CNTNAP2: variants seen among roughly 807,000 people sequenced by gnomAD.
The protein encoded by CNTNAP2 is contactin associated protein 2, also known as contactin-associated protein-like 2.
In CNTNAP2, 98 loss-of-function variants were observed where a neutral mutation model predicts 155.2. That is an observed-to-expected ratio of 0.63 (90% CI 0.54 to 0.75). CNTNAP2 has a LOEUF of 0.75. CNTNAP2 is among the 30% of genes least tolerant of loss of function. The pLI is 0.00. For synonymous variants in CNTNAP2, 651 were observed against 631.2 expected (o/e 1.03, Z -0.47); for missense variants, 1,727 against 1,688.1 (o/e 1.02, Z -0.40).
At chr7:147,959,676 G>T (rs2373277) in intron 14 of CNTNAP2, among the ~76,000 whole-genome samples, 127,111 of 152,014 alleles carry the variant, frequency 0.84, 53,643 homozygotes, top group South Asian at 0.92. Context: ...GTAACTTTGG[G>T]GTCATCAGGT....
intron 9 of CNTNAP2, among the ~76,000 whole-genome samples, chr7:147,301,618 G>GTGTT (rs1384835420): frequency 7.1e-5 from 10 of 140,416 alleles, no homozygotes; most frequent in African/African-American, 2.5e-4. Flanking sequence ...GTGTGTGTGT[G>GTGTT]TGTGTGTGTG....
chr7:148,349,694 C>T (rs1384694429), intron 21 of CNTNAP2, among the ~76,000 whole-genome samples: 1 of 152,148 alleles, frequency 6.6e-6, no homozygotes, highest in Non-Finnish European at 1.5e-5. Context: ...AGCCACCGCG[C>T]CAGGCCAAAA....
chr7:148,366,746 A>C (rs1351589003), intron 21 of CNTNAP2, among the ~76,000 whole-genome samples: 5 of 152,310 alleles, frequency 3.3e-5, no homozygotes, highest in African/African-American at 1.2e-4. Flanking sequence ...ATTTCCAGAT[A>C]CTTTTGCAGA....
At chr7:146,864,732 G>A (rs1456430304) in intron 3 of CNTNAP2, among the ~76,000 whole-genome samples, 1 of 152,052 alleles carries the variant, frequency 6.6e-6, no homozygotes, top group Non-Finnish European at 1.5e-5. Context: ...GCTCAAGCCT[G>A]TAATCTCAGT....
chr7:148,273,324 G>T (rs10952743), intron 21 of CNTNAP2, among the ~76,000 whole-genome samples: 22 of 151,436 alleles, frequency 1.5e-4, no homozygotes, highest in African/African-American at 5.1e-4. Context: ...GCAACTAGGG[G>T]GATAACATTT....
At chr7:148,026,956 T>G (rs1406805641) in intron 15 of CNTNAP2, among the ~76,000 whole-genome samples, 4 of 152,104 alleles carry the variant, frequency 2.6e-5, no homozygotes, top group African/African-American at 7.3e-5. Flanking sequence ...GTCACTGTTT[T>G]TTGTTGTTGT....
At chr7:147,960,993 A>G (rs2708277) in intron 14 of CNTNAP2, among the ~76,000 whole-genome samples, 122,860 of 152,052 alleles carry the variant, frequency 0.81, 50,684 homozygotes, top group South Asian at 0.92. Context: ...ATTATATACA[A>G]AGAGGTAATT....
intron 3 of CNTNAP2, among the ~76,000 whole-genome samples, chr7:146,911,172 A>T (rs1256376733): frequency 6.6e-6 from 1 of 152,052 alleles, no homozygotes; most frequent in Non-Finnish European, 1.5e-5. Context: ...GCTGGACATG[A>T]TGTGGAGAAA....
chr7:146,395,818 T>G (rs1795614954), intron 1 of CNTNAP2, among the ~76,000 whole-genome samples: 2 of 137,496 alleles, frequency 1.5e-5, no homozygotes, highest in African/African-American at 6.4e-5. Flanking sequence ...GATAGATAGA[T>G]AGATAGAGGA....
chr7:146,690,338 GGTCACT>G (rs1184807207), intron 1 of CNTNAP2, among the ~76,000 whole-genome samples: 2 of 152,044 alleles, frequency 1.3e-5, no homozygotes, highest in Non-Finnish European at 2.9e-5. Flanking sequence ...TCCAGTGATT[GGTCACT>G]GCACATGTAT....
chr7:147,296,692 T>C (rs558426823), intron 8 of CNTNAP2, among the ~76,000 whole-genome samples: 7 of 152,270 alleles, frequency 4.6e-5, no homozygotes, highest in African/African-American at 1.7e-4. Context: ...GACCCTGATA[T>C]ATGAATATGG....
At chr7:146,903,367 A>G (rs1796045911) in intron 3 of CNTNAP2, among the ~76,000 whole-genome samples, 1 of 152,118 alleles carries the variant, frequency 6.6e-6, no homozygotes, top group African/African-American at 2.4e-5. Context: ...TGAGCTCCCA[A>G]CTCAGCAAAT....
chr7:147,757,957 C>G (rs1797237527), intron 13 of CNTNAP2, among the ~76,000 whole-genome samples: 1 of 152,074 alleles, frequency 6.6e-6, no homozygotes, highest in Non-Finnish European at 1.5e-5. Context: ...CACTGAAAAA[C>G]AAACATGCAA....
chr7:146,204,067 ACT>A, intron 1 of CNTNAP2, among the ~76,000 whole-genome samples: 3 of 152,112 alleles, frequency 2.0e-5, no homozygotes, highest in Non-Finnish European at 4.4e-5. Context: ...CTTGCTATCA[ACT>A]CAAGGACTTC....
chr7:147,879,582 G>A (rs745504532), intron 13 of CNTNAP2, among the ~76,000 whole-genome samples: 2 of 151,998 alleles, frequency 1.3e-5, no homozygotes, highest in African/African-American at 4.8e-5. Flanking sequence ...AGGGGCTGAG[G>A]GAAGTGTCAT....
intron 13 of CNTNAP2, among the ~76,000 whole-genome samples, chr7:147,786,370 G>C (rs748033365): frequency 9.2e-5 from 14 of 152,184 alleles, no homozygotes; most frequent in Non-Finnish European, 1.6e-4. Context: ...CAGTGAGGAG[G>C]GGGTCTGGGA....
At chr7:146,764,531 T>TA (rs1298293148) in intron 1 of CNTNAP2, among the ~76,000 whole-genome samples, 9 of 150,354 alleles carry the variant, frequency 6.0e-5, no homozygotes, top group East Asian at 3.9e-4. Flanking sequence ...AAGCTTAATT[T>TA]AAAAAAAAAG....
At chr7:146,533,684 C>T (rs1207739264) in intron 1 of CNTNAP2, among the ~76,000 whole-genome samples, 2 of 152,030 alleles carry the variant, frequency 1.3e-5, no homozygotes, top group Non-Finnish European at 2.9e-5. Flanking sequence ...TTTCAGAGTC[C>T]TCTCAGTCCA....
At chr7:146,781,010 C>T (rs141078820) in intron 2 of CNTNAP2, among the ~76,000 whole-genome samples, 1 of 152,014 alleles carries the variant, frequency 6.6e-6, no homozygotes, top group Non-Finnish European at 1.5e-5. Context: ...AGGTGGATCA[C>T]GAGGTCAGGA....
Sources: allele counts gnomAD v4.1 joint callset (sites outside exome capture counted in the v4.1 genomes callset), GRCh38; gene constraint gnomAD v4.1.1; transcripts MANE v1.5; gene names NCBI Gene and HGNC (gene_info 2026-07-23, HGNC 2026-07-21).